Variants in CNNM2 observed in about 807,000 individuals in gnomAD.
The protein encoded by CNNM2 is cyclin and CBS domain divalent metal cation transport mediator 2.
CNNM2 carries 12 observed loss-of-function variants against 66.9 expected under a neutral mutation model. The ratio of observed to expected loss-of-function variants is 0.18; its 90% CI spans 0.11 to 0.29. The LOEUF is 0.29. Among genes scored for constraint, CNNM2 ranks in the 10% least tolerant of loss-of-function variants. The pLI is 1.00. For missense variants in CNNM2, 705 were observed against 1,167.7 expected, an observed-to-expected ratio of 0.60 and a Z score of 5.77; for synonymous variants, 557 against 501.8, an observed-to-expected ratio of 1.11 and a Z score of -1.47.
intron 1 of CNNM2, among the ~76,000 whole-genome samples, chr10:103,032,202 C>T (rs2064838452): frequency 6.6e-6 from 1 of 152,118 alleles, no homozygotes; most frequent in South Asian, 2.1e-4. Flanking sequence ...GTAATCCCAG[C>T]ACTTTGGGAG....
intron 1 of CNNM2, among the ~76,000 whole-genome samples, chr10:103,012,814 C>T (rs2064370721): frequency 6.6e-6 from 1 of 152,070 alleles, no homozygotes; most frequent in Non-Finnish European, 1.5e-5. Context: ...AAGTACTGAA[C>T]CCTTTCTTAG....
At chr10:103,049,919 C>T in intron 2 of CNNM2, 69 bp downstream of exon 2, 1 of 1,502,576 alleles carries the variant, frequency 6.7e-7, no homozygotes, top group East Asian at 2.3e-5. Flanking sequence ...TGTGAGTCTT[C>T]TGACGTTTCT....
At chr10:103,071,968 T>G in intron 6 of CNNM2, 129 bp downstream of exon 6, 1 of 838,076 alleles carries the variant, frequency 1.2e-6, no homozygotes, top group Non-Finnish European at 2.0e-6. Context: ...GCGCTAAAGC[T>G]CTAAGGTTCC....
At chr10:103,011,684 GTA>G (rs1554898644) in intron 1 of CNNM2, among the ~76,000 whole-genome samples, 8 of 147,286 alleles carry the variant, frequency 5.4e-5, no homozygotes, top group African/African-American at 1.8e-4. Context: ...GTGTGTGTGT[GTA>G]TGTATAATTT....
intron 1 of CNNM2, among the ~76,000 whole-genome samples, chr10:102,921,887 T>C (rs967704709): frequency 6.6e-6 from 1 of 152,178 alleles, no homozygotes; most frequent in African/African-American, 2.4e-5. Context: ...GAATTTAGTT[T>C]TTCACCTCAC....
At chr10:102,924,158 A>G (rs1457921824) in intron 1 of CNNM2, among the ~76,000 whole-genome samples, 1 of 152,226 alleles carries the variant, frequency 6.6e-6, no homozygotes, top group African/African-American at 2.4e-5. Context: ...AACTAGAGCA[A>G]TGTAGTGTAG....
rs1041971718 is a variant in CNNM2, at chr10:102,918,364, G to A, written c.-117G>A. On this transcript the variant is annotated 5_prime_UTR_variant, in exon 1 of 8. Transcript: ENST00000369878. This position sits in a 1 kb window ranked among gnomAD's most constrained non-coding sequence, Gnocchi z 4.1. ...TGAGGTGGAGTCAGTGTCAGTCAGG[G>A]AGGCGAACTGCTGAGCACTGGCCGC... 7 of 1,481,998 alleles carry A rather than the reference G, an allele frequency of 4.7e-6. No individual in the cohort carries two copies. The African/African-American group carries it at 8.7e-5, about 18-fold the overall frequency. The allele number at this position is 1,481,998 out of a possible 1,614,324, so 91.8% of individuals were successfully genotyped here. A position where few individuals can be genotyped will look rare whatever the true frequency, so the allele number is the denominator to read the frequency against.
rs1474140635 is a variant in CNNM2, at chr10:103,081,549, T to C, written c.*4369T>C. 1.3e-5 allele frequency: 2 copies of C among 152,192 alleles called. No individual in the cohort carries two copies. Among genetic ancestry groups the C allele is most frequent in the African/African-American group, 4.8e-5 (2 of 41,450 alleles). The allele number at this position is 152,192 out of a possible 1,614,324, so 9.4% of individuals were successfully genotyped here. A position where few individuals can be genotyped will look rare whatever the true frequency, so the allele number is the denominator to read the frequency against. ...ATTTGCAAATCTTTATCTTTTCCTA[T>C]TTCTTAGGTGTTCAAGTTGGTTAAT... On this transcript the variant is annotated 3_prime_UTR_variant, in exon 8 of 8. Transcript: ENST00000369878.
At chr10:102,938,433 C>T (rs546190050) in intron 1 of CNNM2, among the ~76,000 whole-genome samples, 17 of 147,184 alleles carry the variant, frequency 1.2e-4, no homozygotes, top group South Asian at 2.2e-4. Context: ...GACAGAGCAA[C>T]GCTCTGTCTC....
At chr10:102,932,488 C>T (rs1166988799) in intron 1 of CNNM2, among the ~76,000 whole-genome samples, 1 of 152,106 alleles carries the variant, frequency 6.6e-6, no homozygotes, top group African/African-American at 2.4e-5. Context: ...AGTCATTAAT[C>T]CATTTTGAGT....
chr10:102,949,830 CAAAT>C (rs1846763353), intron 1 of CNNM2, among the ~76,000 whole-genome samples: 2 of 151,984 alleles, frequency 1.3e-5, no homozygotes, highest in South Asian at 2.1e-4. Context: ...ACAACAACAA[CAAAT>C]AAATCACTAC....
At chr10:102,938,491 A>T (rs1205656089) in intron 1 of CNNM2, among the ~76,000 whole-genome samples, 1 of 150,896 alleles carries the variant, frequency 6.6e-6, no homozygotes, top group Non-Finnish European at 1.5e-5. Flanking sequence ...ATGGTGGCAC[A>T]CACCTGTCAT....
chr10:103,025,290 C>T (rs1416818505), intron 1 of CNNM2, among the ~76,000 whole-genome samples: 2 of 152,090 alleles, frequency 1.3e-5, no homozygotes, highest in Non-Finnish European at 2.9e-5. Context: ...GGGGTTTCAC[C>T]GTGTTGGCCA....
At chr10:102,939,198 G>T (rs1846342160) in intron 1 of CNNM2, among the ~76,000 whole-genome samples, 1 of 152,170 alleles carries the variant, frequency 6.6e-6, no homozygotes, top group Admixed American at 6.6e-5. Flanking sequence ...CAGGTTGAAG[G>T]TTGTAAATAT....
At chr10:103,011,646 C>CTGTGTGTGTGTGTGTG (rs10624803) in intron 1 of CNNM2, among the ~76,000 whole-genome samples, 52 of 136,050 alleles carry the variant, frequency 3.8e-4, no homozygotes, top group African/African-American at 1.3e-3. Flanking sequence ...AATACTTGCA[C>CTGTGTGTGTGTGTGTG]TGTGTGTGTG....
chr10:102,996,932 C>T lies in CNNM2; in HGVS notation c.1622-52775C>T, dbSNP rs2064015670. 2.0e-5 allele frequency among the ~76,000 whole-genome samples: 3 copies of T among 152,266 alleles called. No individual in the cohort carries two copies. In the South Asian group the frequency reaches 6.2e-4, roughly 32 times the overall value. On this transcript the variant is annotated intron_variant, in intron 1 of 7. Transcript: ENST00000369878. The stretch of plus-strand genomic sequence containing the variant: ...TTCTATTCACTCACATCTCCAACCT[C>T]CTCCTAGAGCACATTGTTTCTCCAA...
rs143301603 is a variant in CNNM2 at position 102,980,113 on chromosome 10, G to A, written c.1621+60012G>A. Among the ~76,000 whole-genome samples the A allele has an allele frequency of 9.9e-5, 15 of 151,898 alleles. No individual in the cohort carries two copies. In the East Asian group the frequency reaches 2.5e-3, roughly 26 times the overall value. The stretch of plus-strand genomic sequence containing the variant: ...ATTTTTTAGTAGAGACAAGTGTTTC[G>A]CCATGTTGGCAGGCTGGTCTCAGAC... On this transcript the variant is annotated intron_variant, in intron 1 of 7. Coordinates refer to ENST00000369878, the MANE Select transcript of CNNM2 (RefSeq NM_017649.5).
Position 103,054,611 on chromosome 10 carries a change from TTTG to T in CNNM2, c.1903+148_1903+150del. ...TTTTGTGTTTTGTTTTTTTTGTTTT[TTTG>T]TTTTGTTTTGTTTTTTTCTTTTTAA... is the stretch of plus-strand genomic sequence containing the variant. On this transcript the variant is annotated intron_variant, in intron 3 of 7. Transcript: ENST00000369878. The surrounding 1 kb of genome is among the most constrained non-coding windows in gnomAD (Gnocchi z 5.2). The T allele has an allele frequency of 7.5e-6, 5 of 668,346 alleles. No homozygotes were observed. In the South Asian group the frequency reaches 8.9e-5, roughly 12 times the overall value. The allele number at this position is 668,346 out of a possible 1,614,324, so 41.4% of individuals were successfully genotyped here.
At chr10:103,009,067 A>C (rs960050916) in intron 1 of CNNM2, among the ~76,000 whole-genome samples, 19 of 152,160 alleles carry the variant, frequency 1.2e-4, no homozygotes, top group African/African-American at 4.6e-4. Context: ...ACCTGAGGTC[A>C]GGAGTTTGAG....
Sources: allele counts gnomAD v4.1 joint callset (sites outside exome capture counted in the v4.1 genomes callset), GRCh38; gene constraint gnomAD v4.1.1; non-coding constraint Gnocchi (gnomAD v3.1); transcripts MANE v1.5; gene names NCBI Gene and HGNC (gene_info 2026-07-23, HGNC 2026-07-21).